WWC1: variants seen among roughly 807,000 people sequenced by gnomAD.
WWC1 encodes WW and C2 domain containing 1.
In WWC1, 55 loss-of-function variants were observed where a neutral mutation model predicts 138.4. The ratio of observed to expected loss-of-function variants is 0.40; its 90% CI spans 0.32 to 0.50. The LOEUF (loss-of-function observed/expected upper bound fraction) is 0.50, where lower values mean the gene tolerates loss of function less well. WWC1 is among the 20% of genes least tolerant of loss of function. The pLI is 0.72. For synonymous variants in WWC1, 524 were observed against 564.9 expected, an observed-to-expected ratio of 0.93 and a Z score of 1.03; for missense variants, 1,226 against 1,420.4, an observed-to-expected ratio of 0.86 and a Z score of 2.20.
intron 1 of WWC1, among the ~76,000 whole-genome samples, chr5:168,305,166 C>T (rs1348493644): frequency 1.3e-5 from 2 of 150,144 alleles, no homozygotes; most frequent in African/African-American, 4.9e-5. Flanking sequence ...TGGAGTTTTG[C>T]CATGTTGGCC....
chr5:168,311,273 C>T (rs767724045), intron 1 of WWC1, among the ~76,000 whole-genome samples: 1 of 151,990 alleles, frequency 6.6e-6, no homozygotes, highest in Non-Finnish European at 1.5e-5. Context: ...TCAAGTCAGG[C>T]CCTTTCTGGT....
intron 7 of WWC1, 42 bp downstream of exon 7, chr5:168,408,695 G>A (rs762179941): frequency 4.3e-6 from 7 of 1,609,194 alleles, no homozygotes; most frequent in Admixed American, 3.3e-5. Flanking sequence ...TCCACAGGAT[G>A]GCAGCTGGGA....
At chr5:168,299,191 C>T (rs1769835328) in intron 1 of WWC1, among the ~76,000 whole-genome samples, 1 of 152,230 alleles carries the variant, frequency 6.6e-6, no homozygotes, top group South Asian at 2.1e-4. Flanking sequence ...CTAGCTGTAG[C>T]CTGGTCTGGC....
In WWC1 at chr5:168,460,690, A is replaced by G. The variant is rs764029593; in HGVS notation, c.2864A>G (p.Lys955Arg). ...AGTGACAGCTCCACTCTGTCCAAAA[A>G]GCCACCTTTTGTTCGAAACTCCCTG... ...SDSDSSTLSK[K>R]PPFVRNSLER... is the part of the protein sequence containing the mutation. Residue 955 changes from lysine to arginine, a missense_variant, in exon 20 of 23, where the codon AAG becomes AGG. By Grantham distance (26) the Lys-to-Arg change is conservative (BLOSUM62 2). Coordinates refer to ENST00000265293, the MANE Select transcript of WWC1 (RefSeq NM_015238.3). 6.2e-7 allele frequency: 1 copy of G among 1,614,130 alleles called. No individual in the cohort carries two copies. The highest frequency in any genetic ancestry group is 1.1e-5 in the South Asian group (1 of 91,082).
At chr5:168,393,342 A>G (rs562105378) in intron 3 of WWC1, among the ~76,000 whole-genome samples, 1 of 152,302 alleles carries the variant, frequency 6.6e-6, no homozygotes, top group South Asian at 2.1e-4. Context: ...AAACACTGGG[A>G]CAATTCAAGA....
intron 15 of WWC1, among the ~76,000 whole-genome samples, chr5:168,441,025 C>A (rs1355782249): frequency 6.6e-6 from 1 of 152,088 alleles, no homozygotes; most frequent in African/African-American, 2.4e-5. Context: ...TGAGGTATGA[C>A]CGCATCACCG....
At chr5:168,371,281 A>T in intron 1 of WWC1, 143 bp from the exon 2 acceptor site, 1 of 596,374 alleles carries the variant, frequency 1.7e-6, no homozygotes, top group Non-Finnish European at 3.1e-6. Flanking sequence ...AACAAAGGGG[A>T]CAACAGAGCT....
intron 1 of WWC1, among the ~76,000 whole-genome samples, chr5:168,301,041 CTGGTGATAA>C (rs144681344): frequency 1.6e-3 from 238 of 152,300 alleles, no homozygotes; most frequent in Non-Finnish European, 2.6e-3. Flanking sequence ...TAACTGGCAC[CTGGTGATAA>C]TGGTGATAAA....
At chr5:168,338,105 G>T (rs1216932635) in intron 1 of WWC1, among the ~76,000 whole-genome samples, 6 of 152,054 alleles carry the variant, frequency 3.9e-5, no homozygotes, top group Non-Finnish European at 8.8e-5. Flanking sequence ...GAGGTCAGGA[G>T]TTCGAGACCG....
At chr5:168,296,050 C>A (rs544253522) in intron 1 of WWC1, among the ~76,000 whole-genome samples, 1 of 152,184 alleles carries the variant, frequency 6.6e-6, no homozygotes, top group Non-Finnish European at 1.5e-5. Flanking sequence ...GCTCCTTTTG[C>A]GGAGTAACTC....
At chr5:168,353,421 C>T (rs1263779244) in intron 1 of WWC1, among the ~76,000 whole-genome samples, 3 of 152,256 alleles carry the variant, frequency 2.0e-5, no homozygotes, top group East Asian at 1.9e-4. Context: ...TACTAGTGTG[C>T]AAACACGCGA....
chr5:168,435,408 C>T (rs1055331075), intron 15 of WWC1, among the ~76,000 whole-genome samples: 1 of 152,118 alleles, frequency 6.6e-6, no homozygotes, highest in Non-Finnish European at 1.5e-5. Flanking sequence ...ATGCTCAAAA[C>T]AAAACAAAAA....
At chr5:168,453,929 G>A (rs556414546) in intron 17 of WWC1, 39 bp from the exon 18 acceptor site, 22 of 1,609,802 alleles carry the variant, frequency 1.4e-5, no homozygotes, top group African/African-American at 4.0e-5. Flanking sequence ...GAGGCAGAGC[G>A]GCTTCTGGGT....
intron 15 of WWC1, among the ~76,000 whole-genome samples, chr5:168,440,270 A>G (rs1042274386): frequency 6.6e-6 from 1 of 152,210 alleles, no homozygotes; most frequent in Non-Finnish European, 1.5e-5. Flanking sequence ...CCTCACACAT[A>G]TTTGGATGAT....
Position 168,443,644 on chromosome 5 carries a change from T to C in WWC1, c.2434-850T>C, listed in dbSNP as rs185353541. ...TAATTCCCACCTGTCAGGATGGTTGTAAAGATTAAATAAGATGCTACACAT... is the reference window on the plus strand; with the variant it reads ...TAATTCCCACCTGTCAGGATGGTTGCAAAGATTAAATAAGATGCTACACAT... On this transcript the variant is annotated intron_variant, in intron 16 of 22. Coordinates refer to ENST00000265293, the MANE Select transcript of WWC1 (RefSeq NM_015238.3). Among the ~76,000 whole-genome samples, 454 of 152,344 alleles carry C rather than the reference T, an allele frequency of 3.0e-3. 3 individuals are homozygous for C. The highest frequency in any genetic ancestry group is 5.4e-3 in the Non-Finnish European group (366 of 68,036).
At chr5:168,421,985 T>A (rs772890227) in intron 9 of WWC1, 23 bp from the exon 10 acceptor site, 1 of 1,601,774 alleles carries the variant, frequency 6.2e-7, no homozygotes, top group South Asian at 1.1e-5. Flanking sequence ...GGTGCATCCC[T>A]CGCATGCTTT....
intron 2 of WWC1, among the ~76,000 whole-genome samples, chr5:168,375,807 T>C (rs1777123248): frequency 6.6e-6 from 1 of 151,784 alleles, no homozygotes; most frequent in Non-Finnish European, 1.5e-5. Flanking sequence ...ACTCCTAACC[T>C]CAGGTGATCT....
intron 1 of WWC1, among the ~76,000 whole-genome samples, chr5:168,337,572 C>T (rs72828874): frequency 0.014 from 2,067 of 152,210 alleles, 21 homozygotes; most frequent in Non-Finnish European, 0.019. Flanking sequence ...GCCAGGAGGC[C>T]CTGAAAGATA....
intron 20 of WWC1, among the ~76,000 whole-genome samples, chr5:168,461,057 C>A (rs900509122): frequency 6.6e-6 from 1 of 152,132 alleles, no homozygotes; most frequent in South Asian, 2.1e-4. Context: ...AGCCGGGCCC[C>A]GTGGCTCACA....
Sources: gnomAD v4.1 joint callset for allele counts (sites outside exome capture counted in the v4.1 genomes callset) on GRCh38, gnomAD v4.1.1 for gene constraint, MANE v1.5 for transcripts, NCBI Gene and HGNC (gene_info 2026-07-23, HGNC 2026-07-21) for gene names.